The following MMD2 variants were observed in gnomAD, a reference collection of about 807,000 sequenced individuals.
MMD2 encodes the protein monocyte to macrophage differentiation associated 2, also known as monocyte to macrophage differentiation factor 2.
Under a neutral mutation model 33.5 loss-of-function variants are expected in MMD2, and 30 were observed. The observed-to-expected ratio is 0.90, with a 90% CI of 0.67 to 1.22. The LOEUF (loss-of-function observed/expected upper bound fraction) is 1.22. Among genes scored for constraint, MMD2 ranks in the 50% most tolerant of loss-of-function variants. The pLI is 0.00. For missense variants in MMD2, 364 were observed against 325.4 expected, an observed-to-expected ratio of 1.12 and a Z score of -0.91; for synonymous variants, 129 against 123.0, an observed-to-expected ratio of 1.05 and a Z score of -0.32.
intron 5 of MMD2, 84 bp downstream of exon 5, chr7:4,911,061 G>A: frequency 8.6e-7 from 1 of 1,157,588 alleles, no homozygotes; most frequent in Non-Finnish European, 1.3e-6. Flanking sequence ...AGATCATCCT[G>A]GACTCTCGGC....
chr7:4,939,375 C>CA (rs555094998), intron 1 of MMD2, among the ~76,000 whole-genome samples: 377 of 147,082 alleles, frequency 2.6e-3, no homozygotes, highest in African/African-American at 8.0e-3. Flanking sequence ...CCTTTCTCTA[C>CA]AAAAAAAAAA....
chr7:4,909,753 G>A (rs1314054598), intron 6 of MMD2, 128 bp downstream of exon 6: 1 of 1,292,250 alleles, frequency 7.7e-7, no homozygotes, highest in Middle Eastern at 1.8e-4. Context: ...CTTTAGACAA[G>A]TCATGCCAGG....
intron 1 of MMD2, among the ~76,000 whole-genome samples, chr7:4,927,471 G>A (rs748759732): frequency 2.0e-5 from 3 of 152,098 alleles, no homozygotes; most frequent in Non-Finnish European, 4.4e-5. Flanking sequence ...CTTGAGGGAG[G>A]TGGAGGTTGC....
At chr7:4,893,662 G>A in the MMD2 span, among the ~76,000 whole-genome samples, 1 of 151,568 alleles carries the variant, frequency 6.6e-6, no homozygotes, top group Admixed American at 6.6e-5. Context: ...AAAGCACTAG[G>A]ATTACCCATG....
At chr7:4,915,873 A>G in intron 4 of MMD2, 132 bp downstream of exon 4, 7 of 728,174 alleles carry the variant, frequency 9.6e-6, no homozygotes, top group South Asian at 2.0e-5. Flanking sequence ...GAAGGAAAAA[A>G]GGGTGGCGGG....
At position 4,906,626 on chromosome 7, in the gene MMD2, G is replaced by T; in HGVS notation, c.*770C>A. Reference sequence around the variant, plus strand: ...ACGGTGGAACAGAACATCAGGGGCTGCATGGGTGTGCGCCTCAGTTTCCCT... The same window carrying T: ...ACGGTGGAACAGAACATCAGGGGCTTCATGGGTGTGCGCCTCAGTTTCCCT... On this transcript the variant is annotated 3_prime_UTR_variant, in exon 7 of 7. Transcript: ENST00000401401. 2.5e-6 allele frequency: 1 copy of T among 398,344 alleles called. No homozygotes were observed. The highest frequency in any genetic ancestry group is 2.1e-5 in the African/African-American group (1 of 48,756). The allele number at this position is 398,344 out of a possible 1,614,324, so 24.7% of individuals were successfully genotyped here. A position where few individuals can be genotyped will look rare whatever the true frequency, so the allele number is the denominator to read the frequency against.
rs188966991 is a variant in MMD2, at chr7:4,946,512, G to A, written c.47+12459C>T. Reference sequence around the variant, plus strand: ...TGAAAAAGCATAAAATTGCAACCGCGAGTGAAACAAAGGATTCAGACAATG... The same window carrying A: ...TGAAAAAGCATAAAATTGCAACCGCAAGTGAAACAAAGGATTCAGACAATG... On this transcript the variant is annotated intron_variant, in intron 1 of 6. Transcript: ENST00000401401. This position sits in a 1 kb window ranked among gnomAD's most constrained non-coding sequence, Gnocchi z 5.0. Among the ~76,000 whole-genome samples, 1 of 152,126 alleles carries A rather than the reference G, an allele frequency of 6.6e-6. No homozygotes were observed. Among genetic ancestry groups the A allele is most frequent in the Non-Finnish European group, 1.5e-5 (1 of 68,026 alleles).
chr7:4,894,661 G>A, the MMD2 span, among the ~76,000 whole-genome samples: 3 of 152,012 alleles, frequency 2.0e-5, no homozygotes, highest in Non-Finnish European at 4.4e-5. This position sits in a 1 kb window ranked among gnomAD's most constrained non-coding sequence, Gnocchi z 4.3. Flanking sequence ...CCCGCCCCTG[G>A]CCACTCCTCT....
At chr7:4,922,431 G>A (rs905748955) in intron 2 of MMD2, among the ~76,000 whole-genome samples, 5 of 152,036 alleles carry the variant, frequency 3.3e-5, no homozygotes, top group African/African-American at 1.2e-4. Flanking sequence ...TTAGCCAGGC[G>A]TGGTGGCGCA....
In MMD2 at chr7:4,920,691, TCCCTCC is replaced by T. The variant is rs1562481117; in HGVS notation, c.130-366_130-361del. ...TTCCCCTTCCCTCCTCCCTCTCTCCTCCCTCCCTCCCTCCCTCCCTCCCTCCCTTCC... is the reference window on the plus strand; with the variant it reads ...TTCCCCTTCCCTCCTCCCTCTCTCCTCTCCCTCCCTCCCTCCCTCCCTTCC... On this transcript the variant is annotated intron_variant, in intron 2 of 6. Transcript: ENST00000401401. 7.9e-3 allele frequency among the ~76,000 whole-genome samples: 124 copies of T among 15,666 alleles called. 1 individual carries two copies. The African/African-American group carries it at 0.08, about 10-fold the overall frequency. The allele number at this position is 15,666 out of a possible 152,430, so 10.3% of individuals were successfully genotyped here.
Position 4,907,252 on chromosome 7 carries a change from G to C in MMD2, c.*144C>G. 1 of 728,060 alleles carries C rather than the reference G, an allele frequency of 1.4e-6. No individual in the cohort carries two copies. The highest frequency in any genetic ancestry group is 2.3e-6 in the Non-Finnish European group (1 of 428,154). The allele number at this position is 728,060 out of a possible 1,614,324, so 45.1% of individuals were successfully genotyped here. ...TCGCTGGGGACTCGAGGGATGATCT[G>C]GCTGTCACCAGAAGTCACCTTGGAG... On this transcript the variant is annotated 3_prime_UTR_variant, in exon 7 of 7. Coordinates refer to ENST00000401401, the MANE Select transcript of MMD2 (RefSeq NM_198403.4).
intron 1 of MMD2, among the ~76,000 whole-genome samples, chr7:4,947,541 A>C (rs959856353): frequency 1.1e-4 from 16 of 139,454 alleles, no homozygotes; most frequent in African/African-American, 4.3e-4. Flanking sequence ...TTACAGGCGC[A>C]TGCCTCCAGG....
At chr7:4,901,625 C>A (rs2115076073), downstream of MMD2, among the ~76,000 whole-genome samples, 1 of 152,318 alleles carries the variant, frequency 6.6e-6, no homozygotes, top group African/African-American at 2.4e-5. Flanking sequence ...TCAGGTTCGA[C>A]TGGCACCAGA....
chr7:4,942,384 G>T (rs1785934596), intron 1 of MMD2, among the ~76,000 whole-genome samples: 1 of 151,474 alleles, frequency 6.6e-6, no homozygotes, highest in Non-Finnish European at 1.5e-5. Flanking sequence ...ACAGGTGTGA[G>T]CCACCTGGCC....
chr7:4,945,185 T>TTC (rs1554273338), intron 1 of MMD2, among the ~76,000 whole-genome samples: 1,104 of 93,536 alleles, frequency 0.012, 22 homozygotes, highest in Middle Eastern at 0.041. Flanking sequence ...CCTCTTCCTC[T>TTC]TTCTTCTTCT....
intron 6 of MMD2, among the ~76,000 whole-genome samples, 179 bp from the exon 7 acceptor site, chr7:4,907,778 T>C (rs907593879): frequency 1.3e-5 from 2 of 152,196 alleles, no homozygotes; most frequent in Non-Finnish European, 2.9e-5. Flanking sequence ...AGTTCTCAGA[T>C]GATAGACATT....
Position 4,936,646 on chromosome 7 carries a change from G to A in MMD2, c.48-11114C>T, listed in dbSNP as rs533499409. ...GGGCTAAAGCAATCCTCCTGCCTCA[G>A]CCTCCCAAAGAGCTGGAATTGCAGG... On this transcript the variant is annotated intron_variant, in intron 1 of 6. Transcript: ENST00000401401. Among the ~76,000 whole-genome samples the A allele has an allele frequency of 1.6e-3, 247 of 152,182 alleles. 1 individual carries two copies. Among genetic ancestry groups the A allele is most frequent in the African/African-American group, 5.4e-3 (226 of 41,524 alleles).
rs370630364 is a variant in MMD2, at chr7:4,920,793, C to T, written c.130-462G>A. 3.4e-5 allele frequency among the ~76,000 whole-genome samples: 5 copies of T among 147,764 alleles called. No homozygotes were observed. The South Asian group carries it at 9.0e-4, about 27-fold the overall frequency. ...AGTGCAGTGGTGCAATCGCAGTTCA[C>T]TACAGCCTCAACTTCCTGGGCTCAA... On this transcript the variant is annotated intron_variant, in intron 2 of 6. Transcript: ENST00000401401.
At chr7:4,916,579 C>T (rs897380777) in intron 3 of MMD2, among the ~76,000 whole-genome samples, 2 of 151,908 alleles carry the variant, frequency 1.3e-5, no homozygotes, top group South Asian at 2.1e-4. Flanking sequence ...GACGGGGTTT[C>T]GCCATGTTGG....
Sources: allele counts gnomAD v4.1 joint callset (sites outside exome capture counted in the v4.1 genomes callset), GRCh38; gene constraint gnomAD v4.1.1; non-coding constraint Gnocchi (gnomAD v3.1); transcripts MANE v1.5; gene names NCBI Gene and HGNC (gene_info 2026-07-23, HGNC 2026-07-21).